The following MYT1L variants were observed in gnomAD, a reference collection of about 807,000 sequenced individuals.
The protein encoded by MYT1L is myelin transcription factor 1-like protein.
In MYT1L, 12 loss-of-function variants were observed where a neutral mutation model predicts 126.7. That is an observed-to-expected ratio of 0.09 (90% CI 0.06 to 0.15). MYT1L has a LOEUF of 0.15. Among genes scored for constraint, MYT1L ranks in the 10% least tolerant of loss-of-function variants. The pLI is 1.00. For synonymous variants in MYT1L, 541 were observed against 604.2 expected (o/e 0.90, Z 1.53); for missense variants, 979 against 1,585.2 (o/e 0.62, Z 6.49).
intron 5 of MYT1L, among the ~76,000 whole-genome samples, chr2:1,996,518 G>A (rs543391546): frequency 7.0e-6 from 1 of 143,592 alleles, no homozygotes; most frequent in Non-Finnish European, 1.5e-5. Context: ...TTTACCTAGT[G>A]AGTGAGGGCC....
chr2:2,007,044 G>GATATATATAT (rs113385392), intron 4 of MYT1L, among the ~76,000 whole-genome samples: 2 of 146,828 alleles, frequency 1.4e-5, no homozygotes, highest in African/African-American at 5.0e-5. Context: ...TTTCATTGAA[G>GATATATATAT]ATATATATAT....
At chr2:2,054,156 C>T (rs528201948) in intron 3 of MYT1L, 33 bp from the exon 4 acceptor site, 8 of 152,738 alleles carry the variant, frequency 5.2e-5, no homozygotes, top group African/African-American at 1.7e-4. Context: ...AATAATGAGG[C>T]TGATATTCAC....
chr2:2,127,486 C>T (rs957804381), intron 3 of MYT1L, among the ~76,000 whole-genome samples: 1 of 152,200 alleles, frequency 6.6e-6, no homozygotes, highest in Non-Finnish European at 1.5e-5. Context: ...TCCCTAGGTG[C>T]ATAAACCCAC....
intron 21 of MYT1L, among the ~76,000 whole-genome samples, chr2:1,822,157 G>C (rs1486734682): frequency 2.0e-5 from 3 of 152,170 alleles, no homozygotes; most frequent in African/African-American, 7.2e-5. Flanking sequence ...AGGGAGCTGA[G>C]GCCTGAGCCA....
intron 3 of MYT1L, among the ~76,000 whole-genome samples, chr2:2,065,196 T>TA (rs2071067129): frequency 6.6e-6 from 1 of 152,056 alleles, no homozygotes; most frequent in Admixed American, 6.5e-5. Context: ...AGATCCTGTT[T>TA]CAAAAAAAGA....
chr2:1,965,158 G>T, intron 8 of MYT1L, among the ~76,000 whole-genome samples: 1 of 149,578 alleles, frequency 6.7e-6, no homozygotes, highest in South Asian at 2.1e-4. Flanking sequence ...GACTTGCAGG[G>T]ACCAGGCAGG....
chr2:1,908,740 G>A (rs1181557267), intron 13 of MYT1L, among the ~76,000 whole-genome samples: 1 of 152,174 alleles, frequency 6.6e-6, no homozygotes, highest in Non-Finnish European at 1.5e-5. Context: ...GGTGGCCTAT[G>A]AGTTGTTCAG....
intron 3 of MYT1L, among the ~76,000 whole-genome samples, chr2:2,168,000 TA>T (rs374222421): frequency 0.07 from 10,642 of 151,878 alleles, 437 homozygotes; most frequent in African/African-American, 0.083. Context: ...CATTTTATTT[TA>T]AAAAAAAATA....
At chr2:1,879,509 A>G (rs1323911684) in intron 18 of MYT1L, among the ~76,000 whole-genome samples, 1 of 152,166 alleles carries the variant, frequency 6.6e-6, no homozygotes, top group East Asian at 1.9e-4. Flanking sequence ...GAAGAGGCCA[A>G]ATTTAATTAG....
intron 3 of MYT1L, among the ~76,000 whole-genome samples, chr2:2,149,966 A>T (rs1438256406): frequency 2.0e-5 from 3 of 152,214 alleles, no homozygotes; most frequent in Admixed American, 1.3e-4. Flanking sequence ...CCCAGTCACC[A>T]TATTGTCAAC....
intron 21 of MYT1L, among the ~76,000 whole-genome samples, chr2:1,826,657 A>G (rs1227065962): frequency 1.3e-5 from 2 of 152,218 alleles, no homozygotes; most frequent in Non-Finnish European, 2.9e-5. Context: ...TTTAGGACGC[A>G]GCACCGGGTA....
In MYT1L at chr2:1,889,941, C is replaced by T. The variant is rs117554367; in HGVS notation, c.2284-464G>A. Among the ~76,000 whole-genome samples, 606 of 152,030 alleles carry T rather than the reference C, an allele frequency of 4.0e-3. 14 individuals are homozygous for T. In the East Asian group the frequency reaches 0.073, roughly 18 times the overall value. ...GCATGTGTGTGTGTGTATAAACACA[C>T]ATATATCAGCTTAAAAATTCTCTTT... On this transcript the variant is annotated intron_variant, in intron 15 of 24. Coordinates refer to ENST00000647738, the MANE Select transcript of MYT1L (RefSeq NM_001303052.2). The surrounding 1 kb of genome is among the most constrained non-coding windows in gnomAD (Gnocchi z 4.1).
rs139974542 is a variant in MYT1L at position 1,921,997 on chromosome 2, T to C, written c.1483+289A>G. On this transcript the variant is annotated intron_variant, in intron 10 of 24. Coordinates refer to ENST00000647738, the MANE Select transcript of MYT1L (RefSeq NM_001303052.2). ...CCCTAATATTTTCTATCAAGTGATG[T>C]GTCTGTGCTTTACCCCTGTCTTCCC... Among the ~76,000 whole-genome samples the C allele has an allele frequency of 5.2e-3, 798 of 152,344 alleles. 20 individuals are homozygous for C. The highest frequency in any genetic ancestry group is 0.051 in the East Asian group (263 of 5,186).
chr2:2,326,041 T>G (rs1174331895), intron 1 of MYT1L: 1 of 152,268 alleles, frequency 6.6e-6, no homozygotes, highest in Non-Finnish European at 1.5e-5. Flanking sequence ...GGTACCTTTT[T>G]GTGGAAGAGC....
At chr2:2,276,608 G>T (rs2149373797) in intron 2 of MYT1L, among the ~76,000 whole-genome samples, 1 of 152,210 alleles carries the variant, frequency 6.6e-6, no homozygotes, top group East Asian at 1.9e-4. Flanking sequence ...AAGCGCTAAG[G>T]CTGGTTGTCA....
chr2:1,900,943 C>T lies in MYT1L; in HGVS notation c.2032+2137G>A, dbSNP rs536605380. ...AATGCCAGTAACTAACATGTGATGGCGCCACAGAGTGCGTCCTCACACCCA... is the reference window on the plus strand; with the variant it reads ...AATGCCAGTAACTAACATGTGATGGTGCCACAGAGTGCGTCCTCACACCCA... On this transcript the variant is annotated intron_variant, in intron 14 of 24. Transcript: ENST00000647738. Among the ~76,000 whole-genome samples the T allele has an allele frequency of 3.7e-4, 57 of 152,276 alleles. 1 individual carries two copies. The South Asian group carries it at 0.011, about 30-fold the overall frequency.
In MYT1L at chr2:1,798,500, T is replaced by A. The variant is rs549814322; in HGVS notation, c.3276+3196A>T. ...ACCCACTTCTCAGTTATCTCATGGC[T>A]TGGGCTTGGGACAGGCCTGCAGCCC... On this transcript the variant is annotated intron_variant, in intron 23 of 24. Coordinates refer to ENST00000647738, the MANE Select transcript of MYT1L (RefSeq NM_001303052.2). Among the ~76,000 whole-genome samples the A allele has an allele frequency of 2.0e-5, 3 of 152,306 alleles. No homozygotes were observed. In the South Asian group the frequency reaches 6.2e-4, roughly 32 times the overall value.
At chr2:2,033,387 C>G (rs1179688234) in intron 4 of MYT1L, among the ~76,000 whole-genome samples, 2 of 150,742 alleles carry the variant, frequency 1.3e-5, no homozygotes, top group Non-Finnish European at 3.0e-5. Context: ...ACACATACCC[C>G]TCGCCAGTGC....
In MYT1L at chr2:2,064,222, T is replaced by C. The variant is rs535904099; in HGVS notation, c.-303-10099A>G. On this transcript the variant is annotated intron_variant, in intron 3 of 24. Coordinates refer to ENST00000647738, the MANE Select transcript of MYT1L (RefSeq NM_001303052.2). ...ATTCCTCTTCACTCCCAGAAGCCAC[T>C]TGGGGCAAACACGAGGTCAGTGCCT... Among the ~76,000 whole-genome samples the C allele has an allele frequency of 5.6e-4, 85 of 152,318 alleles. 1 individual carries two copies. Among genetic ancestry groups the C allele is most frequent in the African/African-American group, 1.9e-3 (77 of 41,580 alleles).
Sources: gnomAD v4.1 joint callset for allele counts (sites outside exome capture counted in the v4.1 genomes callset) on GRCh38, gnomAD v4.1.1 for gene constraint, Gnocchi (gnomAD v3.1) non-coding constraint, MANE v1.5 for transcripts, NCBI Gene and HGNC (gene_info 2026-07-23, HGNC 2026-07-21) for gene names.